The following QRFPR variants were observed in gnomAD, a reference collection of about 807,000 sequenced individuals.
QRFPR encodes the protein pyroglutamylated RFamide peptide receptor, also known as pyroglutamylated RF-amide peptide receptor.
In QRFPR, 37 loss-of-function variants were observed where a neutral mutation model predicts 31.3. The ratio of observed to expected loss-of-function variants is 1.18; its 90% CI spans 0.91 to 1.56. The LOEUF is 1.56. QRFPR is among the 40% of genes most tolerant of loss of function. The pLI is 0.00. For missense variants in QRFPR, 542 were observed against 532.5 expected (o/e 1.02, Z -0.18); for synonymous variants, 197 against 192.0 (o/e 1.03, Z -0.22).
At chr4:121,356,210 T>C (rs960488293) in intron 1 of QRFPR, among the ~76,000 whole-genome samples, 2 of 152,216 alleles carry the variant, frequency 1.3e-5, no homozygotes, top group Admixed American at 1.3e-4. Context: ...TGTCTTTAGC[T>C]CTAATAACAT....
In QRFPR at chr4:121,365,556, TAATATATA is replaced by T. The variant is rs1560743702; in HGVS notation, c.340+14744_340+14751del. ...TATAATATATATTATATATAATATATAATATATATTATATATAATATATATTATATATA... is the reference window on the plus strand; with the variant it reads ...TATAATATATATTATATATAATATATTTATATATAATATATATTATATATA... On this transcript the variant is annotated intron_variant, in intron 1 of 5. Transcript: ENST00000394427. Among the ~76,000 whole-genome samples the T allele has an allele frequency of 8.2e-4, 3 of 3,654 alleles. 1 individual carries two copies. Among genetic ancestry groups the T allele is most frequent in the African/African-American group, 4.7e-3 (3 of 640 alleles). 2.4% of individuals were successfully genotyped at this position (3,654 alleles called of 152,430 possible).
intron 1 of QRFPR, among the ~76,000 whole-genome samples, chr4:121,348,032 T>C (rs1350397927): frequency 6.6e-6 from 1 of 152,052 alleles, no homozygotes; most frequent in African/African-American, 2.4e-5. Flanking sequence ...GAATTTTGGG[T>C]TGTATTTCTT....
intron 1 of QRFPR, among the ~76,000 whole-genome samples, chr4:121,359,691 A>G (rs12506830): frequency 2.0e-5 from 3 of 150,892 alleles, no homozygotes; most frequent in Non-Finnish European, 3.0e-5. Context: ...ATATGTGTGT[A>G]TATATGTGTG....
rs1429027703 is a variant in QRFPR, at chr4:121,380,888, A to G, written c.-241T>C. On this transcript the variant is annotated 5_prime_UTR_variant, in exon 1 of 6. Coordinates refer to ENST00000394427, the MANE Select transcript of QRFPR (RefSeq NM_198179.3). ...AGCACTGGGAGACTCGATCTCAGTG[A>G]CCAAAAAATGTTCGCGGTTCAAATA... The G allele has an allele frequency of 8.1e-6, 4 of 494,042 alleles. No homozygotes were observed. The highest frequency in any genetic ancestry group is 7.9e-5 in the African/African-American group (4 of 50,640). The allele number at this position is 494,042 out of a possible 1,614,324, so 30.6% of individuals were successfully genotyped here.
intron 2 of QRFPR, among the ~76,000 whole-genome samples, chr4:121,338,328 A>G (rs1027871996): frequency 2.0e-5 from 3 of 152,112 alleles, no homozygotes; most frequent in Non-Finnish European, 4.4e-5. Flanking sequence ...GGATCCCTGG[A>G]TGGTTCTGAG....
chr4:121,342,655 ATTAT>A (rs1157240311), intron 1 of QRFPR, among the ~76,000 whole-genome samples: 3 of 151,762 alleles, frequency 2.0e-5, no homozygotes, highest in African/African-American at 4.8e-5. Flanking sequence ...TTACTGTTTT[ATTAT>A]TTATTTACCC....
intron 1 of QRFPR, among the ~76,000 whole-genome samples, chr4:121,374,913 T>C (rs946890909): frequency 6.6e-6 from 1 of 152,172 alleles, no homozygotes; most frequent in African/African-American, 2.4e-5. Context: ...AAAATTCTTT[T>C]CACTGCCCAC....
At chr4:121,330,923 C>T (rs76910914) in intron 4 of QRFPR, among the ~76,000 whole-genome samples, 2,815 of 152,150 alleles carry the variant, frequency 0.019, 64 homozygotes, top group East Asian at 0.11. Flanking sequence ...AGCTCTTACT[C>T]ACTTTATATT....
intron 1 of QRFPR, among the ~76,000 whole-genome samples, chr4:121,358,220 C>T (rs965336180): frequency 1.3e-5 from 2 of 152,104 alleles, no homozygotes; most frequent in African/African-American, 2.4e-5. Flanking sequence ...TTGTTTATTG[C>T]TTATTGTCAA....
At chr4:121,370,681 A>G (rs1206693516) in intron 1 of QRFPR, among the ~76,000 whole-genome samples, 1 of 152,214 alleles carries the variant, frequency 6.6e-6, no homozygotes, top group Non-Finnish European at 1.5e-5. Flanking sequence ...CAGATTTTAA[A>G]TGCATCTCAA....
chr4:121,343,548 T>C (rs1327882644), intron 1 of QRFPR, among the ~76,000 whole-genome samples: 1 of 152,202 alleles, frequency 6.6e-6, no homozygotes, highest in African/African-American at 2.4e-5. Flanking sequence ...TGTGTTTGAA[T>C]AGTTACTATA....
intron 4 of QRFPR, among the ~76,000 whole-genome samples, chr4:121,331,707 C>T (rs182203186): frequency 3.6e-3 from 550 of 151,128 alleles, no homozygotes; most frequent in African/African-American, 0.013. Context: ...GACTAGAGTG[C>T]AGTGGCGTGA....
intron 3 of QRFPR, among the ~76,000 whole-genome samples, chr4:121,335,910 C>A (rs1439558497): frequency 1.3e-5 from 2 of 151,998 alleles, no homozygotes; most frequent in Non-Finnish European, 2.9e-5. Context: ...ATGCATTTTT[C>A]CAGGTAGCAA....
rs537212226 is a variant in QRFPR at position 121,363,358 on chromosome 4, C to A, written c.340+16950G>T. 3.5e-4 allele frequency among the ~76,000 whole-genome samples: 52 copies of A among 149,762 alleles called. 6 individuals are homozygous for A. Among genetic ancestry groups the A allele is most frequent in the African/African-American group, 9.9e-4 (40 of 40,468 alleles). ...ATAAATAAATAAAGAAAGAAGGAAC[C>A]AAAACTATATAACCCTTCACATGTC... On this transcript the variant is annotated intron_variant, in intron 1 of 5. Transcript: ENST00000394427.
chr4:121,337,740 C>G (rs1428819214), intron 2 of QRFPR, among the ~76,000 whole-genome samples: 3 of 151,498 alleles, frequency 2.0e-5, no homozygotes, highest in South Asian at 4.2e-4. Context: ...AAAAAGAAAA[C>G]AAACACTGAT....
intron 1 of QRFPR, among the ~76,000 whole-genome samples, chr4:121,360,377 C>G (rs1480754051): frequency 1.3e-5 from 2 of 152,164 alleles, no homozygotes; most frequent in East Asian, 3.9e-4. Flanking sequence ...ATTGCAAACA[C>G]CGATTCTTCC....
chr4:121,346,329 T>C (rs1725649704), intron 1 of QRFPR, among the ~76,000 whole-genome samples: 1 of 152,180 alleles, frequency 6.6e-6, no homozygotes. Context: ...GTCCTTCTCT[T>C]CCCAGCACTT....
At chr4:121,340,680 A>T in intron 1 of QRFPR, 70 bp from the exon 2 acceptor site, 2 of 1,440,430 alleles carry the variant, frequency 1.4e-6, no homozygotes, top group African/African-American at 2.8e-5. Flanking sequence ...GTGTCTTTGT[A>T]ATTATCACTA....
chr4:121,377,401 A>C (rs1393201960), intron 1 of QRFPR, among the ~76,000 whole-genome samples: 1 of 104,342 alleles, frequency 9.6e-6, no homozygotes, highest in Non-Finnish European at 1.9e-5. Flanking sequence ...TTACATAACT[A>C]TATATATATA....
Sources: gnomAD v4.1 joint callset for allele counts (sites outside exome capture counted in the v4.1 genomes callset) on GRCh38, gnomAD v4.1.1 for gene constraint, MANE v1.5 for transcripts, NCBI Gene and HGNC (gene_info 2026-07-23, HGNC 2026-07-21) for gene names.